Variants in NRG1 observed in about 807,000 individuals in gnomAD.
NRG1 encodes the protein pro-neuregulin-1, membrane-bound isoform.
NRG1 carries 18 observed loss-of-function variants against 63.8 expected under a neutral mutation model. The observed-to-expected ratio is 0.28, with a 90% confidence interval of 0.19 to 0.42. NRG1 has a LOEUF of 0.42. Among genes scored for constraint, NRG1 ranks in the 10% least tolerant of loss-of-function variants. NRG1 has a pLI of 1.00. For synonymous variants in NRG1, 302 were observed against 301.3 expected (o/e 1.00, Z -0.02); for missense variants, 762 against 814.7 (o/e 0.94, Z 0.79).
rs535892367 is a variant in NRG1 at position 32,692,747 on chromosome 8, GTGTGGC to G, written c.503-35201_503-35196del. Among the ~76,000 whole-genome samples, 202 of 152,306 alleles carry G rather than the reference GTGTGGC, an allele frequency of 1.3e-3. 1 individual carries two copies. The highest frequency in any genetic ancestry group is 4.7e-3 in the African/African-American group (197 of 41,566). On this transcript the variant is annotated intron_variant, in intron 5 of 11. Transcript: ENST00000356819. ...TCACAGGCCAGTGTTGTAAGAGTCA[GTGTGGC>G]ACTTCTGAAGGAAATCTGCCGAGTG...
intron 1 of NRG1, among the ~76,000 whole-genome samples, chr8:31,739,292 T>A (rs10088998): frequency 1.3e-5 from 2 of 152,004 alleles, no homozygotes; most frequent in Non-Finnish European, 2.9e-5. Context: ...ATTCATGGAA[T>A]GTTATCTCAC....
At chr8:32,333,303 C>T (rs574957562) in intron 1 of NRG1, among the ~76,000 whole-genome samples, 11 of 152,124 alleles carry the variant, frequency 7.2e-5, no homozygotes, top group Non-Finnish European at 1.2e-4. Flanking sequence ...CCTGGCAAAG[C>T]CCTAATTTAT....
chr8:32,075,695 C>A (rs56285845), intron 1 of NRG1, among the ~76,000 whole-genome samples: 34 of 151,436 alleles, frequency 2.2e-4, no homozygotes, highest in Non-Finnish European at 3.8e-4. Flanking sequence ...TTTTTTGAGA[C>A]GGAGTCTCGC....
At chr8:32,066,254 C>T (rs1426041673) in intron 1 of NRG1, among the ~76,000 whole-genome samples, 1 of 152,156 alleles carries the variant, frequency 6.6e-6, no homozygotes, top group Non-Finnish European at 1.5e-5. Context: ...GACATGAAGT[C>T]CTTGTCCATG....
intron 1 of NRG1, chr8:32,026,141 T>G (rs1158020436): frequency 6.7e-6 from 1 of 149,932 alleles, no homozygotes; most frequent in African/African-American, 2.5e-5. Context: ...GGATCTCGAC[T>G]CACTGCAAGC....
At chr8:32,249,550 G>C (rs1848895830) in intron 1 of NRG1, among the ~76,000 whole-genome samples, 2 of 152,186 alleles carry the variant, frequency 1.3e-5, no homozygotes, top group African/African-American at 2.4e-5. Flanking sequence ...ATCTCTAAAA[G>C]TCATTAATCC....
At chr8:31,715,534 AT>A (rs1343308471) in intron 1 of NRG1, among the ~76,000 whole-genome samples, 1 of 152,238 alleles carries the variant, frequency 6.6e-6, no homozygotes, top group African/African-American at 2.4e-5. Context: ...AAATAATTAA[AT>A]GTATAATAGT....
chr8:32,453,357 G>A (rs1360555864), intron 1 of NRG1, among the ~76,000 whole-genome samples: 1 of 152,180 alleles, frequency 6.6e-6, no homozygotes, highest in Non-Finnish European at 1.5e-5. Flanking sequence ...TTGAAATGAT[G>A]TGTCAGTTCA....
intron 1 of NRG1, among the ~76,000 whole-genome samples, chr8:32,305,536 G>T (rs1433040992): frequency 6.6e-6 from 1 of 152,190 alleles, no homozygotes; most frequent in Non-Finnish European, 1.5e-5. Flanking sequence ...ACAAATAAGT[G>T]ACAGGAAGGA....
chr8:32,102,111 TAC>T (rs2131366035), intron 1 of NRG1, among the ~76,000 whole-genome samples: 1 of 152,298 alleles, frequency 6.6e-6, no homozygotes, highest in Admixed American at 6.5e-5. Context: ...TGCTTTCAAA[TAC>T]ACTTTTAACA....
At chr8:31,976,862 T>C (rs1012200448) in intron 1 of NRG1, among the ~76,000 whole-genome samples, 43 of 152,306 alleles carry the variant, frequency 2.8e-4, no homozygotes, top group Admixed American at 2.6e-3. Flanking sequence ...ACTGGAAATA[T>C]ATATCAATGA....
intron 1 of NRG1, among the ~76,000 whole-genome samples, chr8:32,123,908 A>G (rs992093148): frequency 6.6e-6 from 1 of 151,890 alleles, no homozygotes; most frequent in Non-Finnish European, 1.5e-5. Flanking sequence ...TCAAGGGGGA[A>G]GTTTGACTAT....
chr8:31,674,332 C>G (rs1384832503), intron 1 of NRG1, among the ~76,000 whole-genome samples: 1 of 152,138 alleles, frequency 6.6e-6, no homozygotes, highest in Admixed American at 6.5e-5. Context: ...GTAGCAGTTT[C>G]ACATGTTACA....
intron 1 of NRG1, among the ~76,000 whole-genome samples, chr8:31,688,618 A>G (rs1308212172): frequency 6.6e-5 from 10 of 152,238 alleles, no homozygotes; most frequent in Non-Finnish European, 1.5e-4. Context: ...TTTGCCGACT[A>G]TACACATATA....
At chr8:32,705,720 A>T (rs1201125447) in intron 5 of NRG1, among the ~76,000 whole-genome samples, 1 of 152,224 alleles carries the variant, frequency 6.6e-6, no homozygotes, top group Non-Finnish European at 1.5e-5. Flanking sequence ...GTTTGAGTTT[A>T]GCCAAAATCA....
At chr8:31,761,149 G>A (rs62508564) in intron 1 of NRG1, among the ~76,000 whole-genome samples, 31,163 of 152,094 alleles carry the variant, frequency 0.2, 4,329 homozygotes, top group East Asian at 0.64. Flanking sequence ...CATGTCCTTT[G>A]TAGGGACATG....
chr8:32,099,949 G>T (rs1830357495), intron 1 of NRG1, among the ~76,000 whole-genome samples: 2 of 152,086 alleles, frequency 1.3e-5, no homozygotes, highest in African/African-American at 2.4e-5. Context: ...GACTGGAGGG[G>T]CTAACAGAGT....
chr8:32,252,110 G>C (rs1367503876), intron 1 of NRG1, among the ~76,000 whole-genome samples: 1 of 151,984 alleles, frequency 6.6e-6, no homozygotes, highest in East Asian at 1.9e-4. Flanking sequence ...TTGTCAGATG[G>C]ATAGATTGCA....
At chr8:32,475,117 C>T (rs10092307) in intron 1 of NRG1, among the ~76,000 whole-genome samples, 94,343 of 151,818 alleles carry the variant, frequency 0.62, 29,565 homozygotes, top group East Asian at 0.8. Flanking sequence ...GCTTCCCCAG[C>T]TTACTGCCAT....
Sources: gnomAD v4.1 joint callset for allele counts (sites outside exome capture counted in the v4.1 genomes callset) on GRCh38, gnomAD v4.1.1 for gene constraint, MANE v1.5 for transcripts, NCBI Gene and HGNC (gene_info 2026-07-23, HGNC 2026-07-21) for gene names.